Variants in SLC26A5 observed in about 807,000 individuals in gnomAD.
The protein encoded by SLC26A5 is solute carrier family 26 member 5.
In SLC26A5, 51 loss-of-function variants were observed where a neutral mutation model predicts 81.0. The ratio of observed to expected loss-of-function variants is 0.63; its 90% CI spans 0.50 to 0.80. SLC26A5 has a LOEUF of 0.80. Ranked by LOEUF, SLC26A5 falls within the 30% of genes least tolerant of loss-of-function variation. SLC26A5 has a pLI of 0.00. For missense variants in SLC26A5, 771 were observed against 905.8 expected (o/e 0.85, Z 1.91); for synonymous variants, 325 against 332.8 (o/e 0.98, Z 0.25).
intron 2 of SLC26A5, among the ~76,000 whole-genome samples, chr7:103,435,757 G>T (rs879621653): frequency 6.6e-6 from 1 of 152,152 alleles, no homozygotes; most frequent in Admixed American, 6.5e-5. Context: ...CACTCCGAGG[G>T]TGGTCCTTTT....
chr7:103,413,044 T>C lies in SLC26A5; in HGVS notation c.361A>G (p.Ile121Val). Residue 121 changes from isoleucine (I) to valine (V), a missense_variant, in exon 5 of 20, where the codon ATC (isoleucine) becomes GTC (valine). By Grantham distance (29) the Ile-to-Val change is conservative (BLOSUM62 3). Coordinates refer to ENST00000306312, the MANE Select transcript of SLC26A5 (RefSeq NM_198999.3). ...GAGGTTCCAAGAAAACAATACATGATAACAGGGTAAAATGAAGAGTACAGG... is the reference window on the plus strand; with the variant it reads ...GAGGTTCCAAGAAAACAATACATGACAACAGGGTAAAATGAAGAGTACAGG... ...FGLYSSFYPV[I>V]MYCFLGTSRH... The C allele has an allele frequency of 1.2e-6, 2 of 1,613,868 alleles. No homozygotes were observed. Among genetic ancestry groups the C allele is most frequent in the Non-Finnish European group, 1.7e-6 (2 of 1,179,792 alleles).
At chr7:103,443,584 A>C (rs1009112902) in intron 1 of SLC26A5, among the ~76,000 whole-genome samples, 1 of 152,248 alleles carries the variant, frequency 6.6e-6, no homozygotes, top group East Asian at 1.9e-4. Flanking sequence ...CAAGAAAAGT[A>C]GAAAAATGAG....
intron 9 of SLC26A5, among the ~76,000 whole-genome samples, chr7:103,396,285 C>T (rs1013722263): frequency 8.6e-5 from 13 of 151,994 alleles, no homozygotes; most frequent in African/African-American, 3.1e-4. Context: ...GAAAGGCTCT[C>T]AAAAAAGTAA....
At chr7:103,390,329 A>T in intron 12 of SLC26A5, 100 bp downstream of exon 12, 1 of 1,080,720 alleles carries the variant, frequency 9.3e-7, no homozygotes, top group Non-Finnish European at 1.4e-6. Flanking sequence ...TGTGAGGGTT[A>T]CAGTAAATAA....
At chr7:103,373,072 G>C (rs1821124168), downstream of SLC26A5, among the ~76,000 whole-genome samples, 1 of 152,134 alleles carries the variant, frequency 6.6e-6, no homozygotes, top group Non-Finnish European at 1.5e-5. Context: ...AAACGGAGAA[G>C]AAATGAAAGA....
At chr7:103,397,766 T>C (rs987610448) in intron 9 of SLC26A5, among the ~76,000 whole-genome samples, 166 bp downstream of exon 9, 2 of 151,326 alleles carry the variant, frequency 1.3e-5, no homozygotes, top group African/African-American at 4.9e-5. Flanking sequence ...TGTTTTTTAC[T>C]ACAATAAAAA....
chr7:103,410,038 T>C (rs1824362967), intron 7 of SLC26A5, among the ~76,000 whole-genome samples: 1 of 152,196 alleles, frequency 6.6e-6, no homozygotes, highest in African/African-American at 2.4e-5. Flanking sequence ...AGAAATGTTC[T>C]ACCTTCATGC....
intron 8 of SLC26A5, among the ~76,000 whole-genome samples, chr7:103,401,577 G>C (rs1393678770): frequency 1.3e-5 from 2 of 152,070 alleles, no homozygotes; most frequent in East Asian, 3.9e-4. Flanking sequence ...GATTGTCCTG[G>C]CCAGAACTTC....
chr7:103,365,729 G>A (rs28675125), intron 19 of SLC26A5, among the ~76,000 whole-genome samples: 9,749 of 151,966 alleles, frequency 0.064, 472 homozygotes, highest in African/African-American at 0.14. Context: ...GGAGTTCAAT[G>A]CCAGCCTGGC....
At chr7:103,394,119 A>C (rs749611603) in intron 9 of SLC26A5, among the ~76,000 whole-genome samples, 2 of 152,102 alleles carry the variant, frequency 1.3e-5, no homozygotes, top group Non-Finnish European at 2.9e-5. Context: ...GGCCACAGCT[A>C]TTTCTCTTAC....
At chr7:103,374,082 T>G, downstream of SLC26A5, 1 of 705,832 alleles carries the variant, frequency 1.4e-6, no homozygotes, top group Non-Finnish European at 1.8e-6. Flanking sequence ...AAAGAACCAC[T>G]ATGTAATATC....
chr7:103,387,453 T>C (rs1297863197), intron 14 of SLC26A5, among the ~76,000 whole-genome samples: 1 of 152,184 alleles, frequency 6.6e-6, no homozygotes, highest in African/African-American at 2.4e-5. Flanking sequence ...TTTCCCTCTG[T>C]GTTAGAGCGG....
At chr7:103,412,032 T>G (rs999167621) in intron 5 of SLC26A5, among the ~76,000 whole-genome samples, 1 of 152,042 alleles carries the variant, frequency 6.6e-6, no homozygotes, top group African/African-American at 2.4e-5. Context: ...GGAGAATTCC[T>G]GGGACTGCAT....
chr7:103,368,132 CAAAT>C lies in SLC26A5; in HGVS notation c.2041+8672_2041+8675del. On this transcript the variant is annotated intron_variant, in intron 19 of 19. Transcript: ENST00000339444. ...GACTTGTTAATAACCAATTCATAAA[CAAAT>C]AAATGGCTTCAAAATTGTATGCTTT... 3 of 1,266,814 alleles carry C rather than the reference CAAAT, an allele frequency of 2.4e-6. No homozygotes were observed. The South Asian group carries it at 5.0e-5, about 21-fold the overall frequency. 78.5% of individuals were successfully genotyped at this position (1,266,814 alleles called of 1,614,324 possible). A position where few individuals can be genotyped will look rare whatever the true frequency, so the allele number is the denominator to read the frequency against.
In SLC26A5 at chr7:103,416,878, G is replaced by A. The variant is rs537767260; in HGVS notation, c.293-3766C>T. Among the ~76,000 whole-genome samples the A allele has an allele frequency of 2.3e-3, 350 of 151,966 alleles. 3 individuals are homozygous for A. The highest frequency in any genetic ancestry group is 8.1e-3 in the South Asian group (39 of 4,810). On this transcript the variant is annotated intron_variant, in intron 4 of 19. Transcript: ENST00000306312. ...ACATGCTTAACACAAAATCTTTTTG[G>A]TAATTTAAATTATTTACCAATCACA...
intron 19 of SLC26A5, among the ~76,000 whole-genome samples, chr7:103,364,962 T>C (rs936839698): frequency 7.5e-6 from 1 of 132,668 alleles, no homozygotes; most frequent in African/African-American, 3.4e-5. Flanking sequence ...GACATACATA[T>C]ATATATATAT....
At chr7:103,417,869 C>A (rs1258721153) in intron 4 of SLC26A5, among the ~76,000 whole-genome samples, 2 of 152,196 alleles carry the variant, frequency 1.3e-5, no homozygotes, top group Non-Finnish European at 2.9e-5. Flanking sequence ...CTGCCTCAGC[C>A]TCCCGAGTAG....
chr7:103,418,314 T>A (rs1395580528), intron 4 of SLC26A5, among the ~76,000 whole-genome samples: 1 of 152,244 alleles, frequency 6.6e-6, no homozygotes, highest in Non-Finnish European at 1.5e-5. Context: ...GAAAGTCAGC[T>A]GGTTGAAAAT....
intron 4 of SLC26A5, 94 bp downstream of exon 4, chr7:103,420,643 TA>T (rs1825274694): frequency 1.3e-6 from 2 of 1,494,980 alleles, no homozygotes; most frequent in Non-Finnish European, 1.8e-6. Flanking sequence ...AAAGATATGA[TA>T]AAAATTATGA....
Sources: gnomAD v4.1 joint callset for allele counts (sites outside exome capture counted in the v4.1 genomes callset) on GRCh38, gnomAD v4.1.1 for gene constraint, MANE v1.5 for transcripts, NCBI Gene and HGNC (gene_info 2026-07-23, HGNC 2026-07-21) for gene names.